GPC5: variants seen among roughly 807,000 people sequenced by gnomAD.
The protein encoded by GPC5 is glypican-5.
In GPC5, 47 loss-of-function variants were observed where a neutral mutation model predicts 53.9. The ratio of observed to expected loss-of-function variants is 0.87; its 90% CI spans 0.69 to 1.11. The LOEUF (loss-of-function observed/expected upper bound fraction) is 1.11. GPC5 is among the 50% of genes most tolerant of loss of function. The pLI, the probability that GPC5 is intolerant of heterozygous loss-of-function variation, is 0.00. For missense variants in GPC5, 748 were observed against 713.1 expected (o/e 1.05, Z -0.56); for synonymous variants, 286 against 263.3 (o/e 1.09, Z -0.84).
intron 2 of GPC5, among the ~76,000 whole-genome samples, chr13:91,466,403 G>GT (rs967695232): frequency 7.2e-5 from 11 of 151,936 alleles, no homozygotes; most frequent in Non-Finnish European, 1.3e-4. Context: ...ATGGTCCCAA[G>GT]TTTTTTTTGT....
chr13:91,960,635 G>A lies in GPC5; in HGVS notation c.1401+52578G>A, dbSNP rs770533622. Among the ~76,000 whole-genome samples, 15 of 151,828 alleles carry A rather than the reference G, an allele frequency of 9.9e-5. 1 individual carries two copies. The highest frequency in any genetic ancestry group is 1.4e-4 in the African/African-American group (6 of 41,388). ...AGGCAAAAACAATAAAGCTGGAGGC[G>A]TCACACAACTTGATTTCAAAATATA... On this transcript the variant is annotated intron_variant, in intron 6 of 7. Coordinates refer to ENST00000377067, the MANE Select transcript of GPC5 (RefSeq NM_004466.6).
chr13:91,698,391 C>T (rs2035927250), intron 3 of GPC5, among the ~76,000 whole-genome samples: 1 of 150,558 alleles, frequency 6.6e-6, no homozygotes, highest in Non-Finnish European at 1.5e-5. Context: ...AAACTAATAT[C>T]TTATCACTTC....
chr13:91,801,636 C>T (rs750940317), intron 5 of GPC5, among the ~76,000 whole-genome samples: 8 of 152,184 alleles, frequency 5.3e-5, no homozygotes, highest in Non-Finnish European at 1.2e-4. Context: ...TTAAAAGCTA[C>T]ATAGCTACAT....
rs182519824 is a variant in GPC5 at position 92,406,563 on chromosome 13, G to T, written c.1561+261574G>T. On this transcript the variant is annotated intron_variant, in intron 7 of 7. Transcript: ENST00000377067. ...CAGGTGCTCTGCTCCATTGTGTGGG[G>T]GTCATTAGGATAGGTCGGTTGGATG... 2.6e-5 allele frequency among the ~76,000 whole-genome samples: 4 copies of T among 152,200 alleles called. No individual in the cohort carries two copies. The East Asian group carries it at 7.7e-4, about 29-fold the overall frequency.
chr13:92,023,665 G>GACACACACAC (rs367677767), intron 6 of GPC5, among the ~76,000 whole-genome samples: 3,160 of 140,946 alleles, frequency 0.022, 50 homozygotes, highest in East Asian at 0.099. Context: ...CTTTGCTGAG[G>GACACACACAC]ACACACACAC....
intron 6 of GPC5, among the ~76,000 whole-genome samples, chr13:92,104,895 A>T (rs2041496237): frequency 6.6e-6 from 1 of 152,130 alleles, no homozygotes; most frequent in South Asian, 2.1e-4. Context: ...CTTTGCAGTG[A>T]TGTCATAGAT....
chr13:92,610,235 T>C (rs1351903549), intron 7 of GPC5, among the ~76,000 whole-genome samples: 2 of 152,154 alleles, frequency 1.3e-5, no homozygotes, highest in Non-Finnish European at 2.9e-5. Flanking sequence ...ACAACTATTT[T>C]GTGAATGGAA....
intron 7 of GPC5, among the ~76,000 whole-genome samples, chr13:92,381,918 A>C (rs1468525619): frequency 6.7e-5 from 3 of 45,060 alleles, no homozygotes; most frequent in African/African-American, 2.3e-4. Flanking sequence ...TGATATATAT[A>C]ATCATATATA....
intron 7 of GPC5, among the ~76,000 whole-genome samples, chr13:92,196,615 T>G (rs2139054370): frequency 6.6e-6 from 1 of 152,328 alleles, no homozygotes; most frequent in South Asian, 2.1e-4. Flanking sequence ...TTTGTAAAAC[T>G]TTTCCTATGG....
At chr13:92,156,968 T>C (rs1177176750) in intron 7 of GPC5, among the ~76,000 whole-genome samples, 1 of 152,156 alleles carries the variant, frequency 6.6e-6, no homozygotes, top group African/African-American at 2.4e-5. Flanking sequence ...GATGTATGAA[T>C]ATACCACAAT....
chr13:92,113,760 A>G (rs994426031), intron 6 of GPC5, among the ~76,000 whole-genome samples: 1 of 152,094 alleles, frequency 6.6e-6, no homozygotes, highest in Non-Finnish European at 1.5e-5. Context: ...ATTTGTCCAG[A>G]GAAATAAAGG....
chr13:92,015,263 C>T (rs115527211), intron 6 of GPC5, among the ~76,000 whole-genome samples: 2,427 of 152,208 alleles, frequency 0.016, 64 homozygotes, highest in African/African-American at 0.055. Flanking sequence ...GTGACGGATG[C>T]TATTTAGAAA....
At chr13:91,948,668 T>C (rs1566358032) in intron 6 of GPC5, among the ~76,000 whole-genome samples, 1 of 152,224 alleles carries the variant, frequency 6.6e-6, no homozygotes. Flanking sequence ...ATTTTAATAA[T>C]ACAACCATTT....
At chr13:91,619,759 A>G (rs1217215513) in intron 2 of GPC5, among the ~76,000 whole-genome samples, 1 of 152,156 alleles carries the variant, frequency 6.6e-6, no homozygotes, top group Admixed American at 6.6e-5. Flanking sequence ...TCTGTAACAG[A>G]CAGAGAAGAC....
At chr13:92,641,998 C>T (rs1452933390) in intron 7 of GPC5, among the ~76,000 whole-genome samples, 1 of 152,028 alleles carries the variant, frequency 6.6e-6, no homozygotes, top group African/African-American at 2.4e-5. Flanking sequence ...AGATTTGTAG[C>T]TCTTCAAAGC....
intron 2 of GPC5, among the ~76,000 whole-genome samples, chr13:91,459,189 T>G (rs1412056994): frequency 6.6e-6 from 1 of 151,822 alleles, no homozygotes; most frequent in East Asian, 1.9e-4. Context: ...CTCCTCCACC[T>G]GTACCCCAAA....
chr13:91,616,979 A>G (rs1024692790), intron 2 of GPC5, among the ~76,000 whole-genome samples: 11 of 152,128 alleles, frequency 7.2e-5, no homozygotes, highest in Non-Finnish European at 1.2e-4. Context: ...TCTACTTAAA[A>G]GGCTAATTTC....
chr13:92,801,160 C>T (rs1876890254), intron 7 of GPC5, among the ~76,000 whole-genome samples: 1 of 151,162 alleles, frequency 6.6e-6, no homozygotes, highest in Non-Finnish European at 1.5e-5. Flanking sequence ...TGTTATGCAA[C>T]CCATGACTAT....
In GPC5 at chr13:92,281,267, A is replaced by G. The variant is rs576441183; in HGVS notation, c.1561+136278A>G. Among the ~76,000 whole-genome samples, 474 of 152,290 alleles carry G rather than the reference A, an allele frequency of 3.1e-3. 1 individual carries two copies. The highest frequency in any genetic ancestry group is 5.9e-3 in the Non-Finnish European group (400 of 68,018). On this transcript the variant is annotated intron_variant, in intron 7 of 7. Transcript: ENST00000377067. ...CAGCCAGGAAGCTCGAACTGGGTGG[A>G]GCCCACCACAGCTCAAGGAGGCTTG...
Sources: allele counts gnomAD v4.1 joint callset (sites outside exome capture counted in the v4.1 genomes callset), GRCh38; gene constraint gnomAD v4.1.1; transcripts MANE v1.5; gene names NCBI Gene and HGNC (gene_info 2026-07-23, HGNC 2026-07-21).